SUMF1: variants seen among roughly 807,000 people sequenced by gnomAD.
SUMF1 encodes sulfatase modifying factor 1.
A neutral mutation model predicts 47.6 loss-of-function variants in SUMF1; 48 were observed. The observed-to-expected ratio is 1.01, with a 90% CI of 0.80 to 1.28. The LOEUF (loss-of-function observed/expected upper bound fraction) is 1.28. SUMF1 is among the 50% of genes most tolerant of loss of function. SUMF1 has a pLI of 0.00. For missense variants in SUMF1, 571 were observed against 485.4 expected (o/e 1.18, Z -1.66); for synonymous variants, 230 against 192.1 (o/e 1.20, Z -1.63).
chr3:4,353,014 T>G (rs1699537575), intron 8 of SUMF1, among the ~76,000 whole-genome samples: 1 of 152,200 alleles, frequency 6.6e-6, no homozygotes, highest in African/African-American at 2.4e-5. Flanking sequence ...CTCTCAGGTT[T>G]TTTGGTTTCA....
At chr3:4,367,194 T>C (rs1255663529) in intron 8 of SUMF1, among the ~76,000 whole-genome samples, 2 of 152,186 alleles carry the variant, frequency 1.3e-5, no homozygotes, top group African/African-American at 2.4e-5. Context: ...GAGGAGGCAG[T>C]CTGCCCATTC....
chr3:4,402,059 A>C (rs1401015514), intron 7 of SUMF1, among the ~76,000 whole-genome samples: 1 of 152,152 alleles, frequency 6.6e-6, no homozygotes, highest in East Asian at 1.9e-4. Flanking sequence ...GCACACACAC[A>C]TGCTCCCCTC....
intron 8 of SUMF1, among the ~76,000 whole-genome samples, chr3:4,297,101 A>C (rs1697867998): frequency 6.6e-6 from 1 of 152,150 alleles, no homozygotes; most frequent in South Asian, 2.1e-4. Context: ...TCAGCTCCTG[A>C]CCAAGAGAAC....
At chr3:4,352,002 C>T (rs1283800857) in intron 8 of SUMF1, among the ~76,000 whole-genome samples, 1 of 152,048 alleles carries the variant, frequency 6.6e-6, no homozygotes, top group African/African-American at 2.4e-5. Flanking sequence ...GAATTTAAGC[C>T]CAGACAGTCT....
chr3:4,184,062 G>A (rs1695150001), intron 8 of SUMF1, among the ~76,000 whole-genome samples: 2 of 151,970 alleles, frequency 1.3e-5, no homozygotes, highest in South Asian at 2.1e-4. Flanking sequence ...TTGAACCTGG[G>A]AAGAGGAGGT....
chr3:4,410,650 A>G (rs1011791624), intron 7 of SUMF1, among the ~76,000 whole-genome samples: 8 of 152,244 alleles, frequency 5.3e-5, no homozygotes, highest in African/African-American at 1.9e-4. Context: ...TATCACCATC[A>G]CAATCCAGGA....
chr3:4,105,975 T>TC (rs1404567476), intron 8 of SUMF1, among the ~76,000 whole-genome samples: 1 of 152,058 alleles, frequency 6.6e-6, no homozygotes, highest in African/African-American at 2.4e-5. Flanking sequence ...TGAAGATCTA[T>TC]CCATGTTGGC....
At chr3:4,352,006 A>T (rs1699513783) in intron 8 of SUMF1, among the ~76,000 whole-genome samples, 1 of 152,114 alleles carries the variant, frequency 6.6e-6, no homozygotes, top group Non-Finnish European at 1.5e-5. Context: ...TTAAGCCCAG[A>T]CAGTCTGGCT....
At chr3:4,250,172 G>C (rs1402014369) in intron 8 of SUMF1, among the ~76,000 whole-genome samples, 1 of 148,676 alleles carries the variant, frequency 6.7e-6, no homozygotes, top group East Asian at 2.1e-4. Context: ...ATCAAGACAA[G>C]AAACGGAGGG....
At chr3:4,372,891 T>C (rs1700210398) in intron 8 of SUMF1, among the ~76,000 whole-genome samples, 2 of 152,222 alleles carry the variant, frequency 1.3e-5, no homozygotes, top group Non-Finnish European at 2.9e-5. Context: ...CTTACAGATA[T>C]AACCAGACTG....
intron 8 of SUMF1, among the ~76,000 whole-genome samples, chr3:4,094,067 C>G (rs887588117): frequency 3.9e-5 from 6 of 152,116 alleles, no homozygotes; most frequent in African/African-American, 1.4e-4. Flanking sequence ...TGAACTGATA[C>G]AGAAAATAAA....
chr3:4,187,626 A>T (rs1484852167), intron 8 of SUMF1, among the ~76,000 whole-genome samples: 1 of 152,210 alleles, frequency 6.6e-6, no homozygotes, highest in African/African-American at 2.4e-5. Context: ...GTGAAAAATC[A>T]AAGTTGTTCC....
chr3:4,173,974 C>T (rs990503973), intron 8 of SUMF1, among the ~76,000 whole-genome samples: 4 of 152,030 alleles, frequency 2.6e-5, no homozygotes, highest in Non-Finnish European at 5.9e-5. Flanking sequence ...AGGAGTATAC[C>T]TATGTAACAA....
At chr3:4,147,235 A>G (rs889653087) in intron 8 of SUMF1, among the ~76,000 whole-genome samples, 3 of 152,138 alleles carry the variant, frequency 2.0e-5, no homozygotes, top group Admixed American at 1.3e-4. Context: ...AACTAGTTCA[A>G]CCATTGTGGA....
At chr3:4,195,835 C>A (rs1246033394) in intron 8 of SUMF1, among the ~76,000 whole-genome samples, 1 of 151,834 alleles carries the variant, frequency 6.6e-6, no homozygotes, top group African/African-American at 2.4e-5. Context: ...AACTAAGAAT[C>A]CTATAGCTTT....
At chr3:4,068,899 G>A (rs1695447236) in intron 8 of SUMF1, among the ~76,000 whole-genome samples, 1 of 152,254 alleles carries the variant, frequency 6.6e-6, no homozygotes, top group Non-Finnish European at 1.5e-5. Flanking sequence ...CACTTAAAAT[G>A]ATTAAGTGTC....
chr3:4,041,837 GCAGCA>G, intron 9 of SUMF1, among the ~76,000 whole-genome samples: 1 of 152,262 alleles, frequency 6.6e-6, no homozygotes, highest in South Asian at 2.1e-4. Flanking sequence ...ATGAAAACCG[GCAGCA>G]CAGCTTTTTC....
At position 4,453,031 on chromosome 3, in the gene SUMF1, C is replaced by A; in HGVS notation, c.289G>T (p.Gly97Ter). 1 of 1,613,668 alleles carries A rather than the reference C, an allele frequency of 6.2e-7. No individual in the cohort carries two copies. The highest frequency in any genetic ancestry group is 1.1e-5 in the South Asian group (1 of 91,078). The change falls in exon 2 of 9, where the codon GGA becomes TGA. Residue 97 changes from glycine (G) to a stop codon, truncating the protein, a stop_gained. Coordinates refer to ENST00000272902, the MANE Select transcript of SUMF1 (RefSeq NM_182760.4). LOFTEE classifies it high-confidence loss of function. ...TCATCTGTGCCCATTGTAAATACTCCAGCAGGGATGGGGACCATCTACAAT... is the reference window on the plus strand; with the variant it reads ...TCATCTGTGCCCATTGTAAATACTCAAGCAGGGATGGGGACCATCTACAAT... Reference protein sequence around the residue: ...AHSKMVPIPAGVFTMGTDDPQ... With the variant: ...AHSKMVPIPA
Position 4,348,227 on chromosome 3 carries a change from C to A in SUMF1, c.1014+28103G>T, listed in dbSNP as rs554855363. On this transcript the variant is annotated intron_variant and NMD_transcript_variant, in intron 8 of 12. Transcript: ENST00000448413. ...AAGAGCCTGGATAGCCAAGACAATTCTGAGCGAAAAGAACAAAGCTGGAGG... is the reference window on the plus strand; with the variant it reads ...AAGAGCCTGGATAGCCAAGACAATTATGAGCGAAAAGAACAAAGCTGGAGG... 5.3e-5 allele frequency among the ~76,000 whole-genome samples: 8 copies of A among 152,284 alleles called. No individual in the cohort carries two copies. The East Asian group carries it at 1.5e-3, about 29-fold the overall frequency.
Sources: gnomAD v4.1 joint callset for allele counts (sites outside exome capture counted in the v4.1 genomes callset) on GRCh38, gnomAD v4.1.1 for gene constraint, MANE v1.5 for transcripts, NCBI Gene and HGNC (gene_info 2026-07-23, HGNC 2026-07-21) for gene names.